The following RP1 variants were observed in gnomAD, a reference collection of about 807,000 sequenced individuals.
RP1 encodes oxygen-regulated protein 1.
Under a neutral mutation model 14.8 loss-of-function variants are expected in RP1, and 16 were observed. The observed-to-expected ratio is 1.08, with a 90% CI of 0.73 to 1.65. The LOEUF (loss-of-function observed/expected upper bound fraction) is 1.65, where lower values mean the gene tolerates loss of function less well. Ranked by LOEUF, RP1 falls within the 40% of genes most tolerant of loss-of-function variation. The pLI is 0.00. For synonymous variants in RP1, 876 were observed against 883.6 expected, an observed-to-expected ratio of 0.99 and a Z score of 0.15; for missense variants, 2,631 against 2,535.0, an observed-to-expected ratio of 1.04 and a Z score of -0.81.
intron 24 of RP1, among the ~76,000 whole-genome samples, chr8:54,806,815 C>T (rs1266702117): frequency 6.6e-6 from 1 of 152,054 alleles, no homozygotes; most frequent in Non-Finnish European, 1.5e-5. Flanking sequence ...CATTTAGTAC[C>T]TCAAGGGGAG....
intron 1 of RP1, among the ~76,000 whole-genome samples, chr8:54,600,238 C>G (rs1043260982): frequency 6.6e-6 from 1 of 152,174 alleles, no homozygotes; most frequent in Non-Finnish European, 1.5e-5. Flanking sequence ...AGCTCTGTCT[C>G]TTGCCTGCCA....
intron 24 of RP1, among the ~76,000 whole-genome samples, chr8:54,792,615 T>C (rs762059396): frequency 3.2e-4 from 49 of 151,822 alleles, no homozygotes; most frequent in Non-Finnish European, 6.2e-4. Context: ...TAAGGAGTCA[T>C]GGAATAAATC....
intron 1 of RP1, among the ~76,000 whole-genome samples, chr8:54,601,927 G>A (rs1805302454): frequency 6.6e-6 from 1 of 152,202 alleles, no homozygotes; most frequent in African/African-American, 2.4e-5. Flanking sequence ...TAGGGCTGGT[G>A]TAGGGGTGGT....
intron 19 of RP1, among the ~76,000 whole-genome samples, chr8:54,753,130 C>A (rs561040912): frequency 6.6e-6 from 1 of 152,270 alleles, no homozygotes; most frequent in Non-Finnish European, 1.5e-5. Flanking sequence ...AATGCCAGAG[C>A]TAGACTTTGG....
intron 26 of RP1, among the ~76,000 whole-genome samples, chr8:54,854,680 C>T (rs1476527212): frequency 2.0e-5 from 3 of 152,068 alleles, no homozygotes; most frequent in Non-Finnish European, 4.4e-5. Flanking sequence ...GCCTGGCCAA[C>T]ATGGTGAAAT....
intron 23 of RP1, among the ~76,000 whole-genome samples, chr8:54,778,318 CTTCT>C (rs1242145767): frequency 4.9e-5 from 5 of 101,802 alleles, no homozygotes; most frequent in East Asian, 3.2e-4. Context: ...AATGCTTCTT[CTTCT>C]TTTTTTTTTT....
At chr8:54,710,280 G>A (rs533806054) in intron 15 of RP1, among the ~76,000 whole-genome samples, 3 of 152,236 alleles carry the variant, frequency 2.0e-5, no homozygotes, top group Admixed American at 2.0e-4. Context: ...AACAAGTGCA[G>A]GCACTGGAGC....
At chr8:54,635,825 A>G, downstream of RP1, among the ~76,000 whole-genome samples, 1 of 152,156 alleles carries the variant, frequency 6.6e-6, no homozygotes, top group East Asian at 1.9e-4. Context: ...AGGGGAACTT[A>G]TTTCTTTAAA....
At chr8:54,567,440 T>C (rs1489131928) in intron 1 of RP1, among the ~76,000 whole-genome samples, 2 of 152,180 alleles carry the variant, frequency 1.3e-5, no homozygotes, top group African/African-American at 2.4e-5. Flanking sequence ...TTTCACTTAT[T>C]ATTATGAGAC....
intron 1 of RP1, among the ~76,000 whole-genome samples, chr8:54,594,685 TA>T (rs1156895275): frequency 1.3e-5 from 2 of 152,200 alleles, no homozygotes; most frequent in Admixed American, 6.5e-5. Context: ...TTTCTTTCAT[TA>T]GGGGTACTTA....
intron 24 of RP1, among the ~76,000 whole-genome samples, chr8:54,817,587 A>T (rs1441675892): frequency 6.6e-6 from 1 of 152,222 alleles, no homozygotes; most frequent in Non-Finnish European, 1.5e-5. Context: ...GAAAATGCTG[A>T]TACCTCTGTG....
At chr8:54,703,493 G>C (rs1326307852) in intron 14 of RP1, among the ~76,000 whole-genome samples, 1 of 152,094 alleles carries the variant, frequency 6.6e-6, no homozygotes, top group South Asian at 2.1e-4. Context: ...TGTCCTTCAG[G>C]CTTCATTTTT....
chr8:54,740,717 G>A lies in RP1; in HGVS notation c.2808+1688G>A, dbSNP rs182764754. ...AGCCTGGGCGACAAAGCGAGACTCT[G>A]TCTTAAAAAAAATAATAATAAAATA... On this transcript the variant is annotated intron_variant, in intron 19 of 22. Transcript: ENST00000636932. Among the ~76,000 whole-genome samples the A allele has an allele frequency of 4.4e-3, 671 of 151,604 alleles. 5 individuals carry two copies. The highest frequency in any genetic ancestry group is 7.3e-3 in the Admixed American group (111 of 15,240).
At chr8:54,774,560 T>C (rs991537128), downstream of RP1, among the ~76,000 whole-genome samples, 1 of 152,202 alleles carries the variant, frequency 6.6e-6, no homozygotes, top group East Asian at 1.9e-4. Flanking sequence ...CAGGAAGTGT[T>C]AAGTGAGCAA....
rs1811628414 is a variant in RP1 at position 54,835,167 on chromosome 8, CA to C, written c.3616-2281del. Among the ~76,000 whole-genome samples the C allele has an allele frequency of 2.6e-5, 4 of 152,138 alleles. No individual in the cohort carries two copies. In the South Asian group the frequency reaches 8.3e-4, roughly 32 times the overall value. On this transcript the variant is annotated intron_variant, in intron 24 of 28. Transcript: ENST00000637698. ...GTAGAAAACCAAAAACAGTTATATG[CA>C]AGAAAAATTTCTAGGCATATTACAT...
intron 19 of RP1, among the ~76,000 whole-genome samples, chr8:54,740,507 A>G (rs1809052319): frequency 6.6e-6 from 1 of 150,934 alleles, no homozygotes; most frequent in African/African-American, 2.4e-5. Flanking sequence ...GTGGATCATG[A>G]GGTCAGGAGT....
At chr8:54,636,525 G>C (rs1170882168) in intron 3 of RP1, among the ~76,000 whole-genome samples, 1 of 152,186 alleles carries the variant, frequency 6.6e-6, no homozygotes, top group Non-Finnish European at 1.5e-5. Flanking sequence ...ATCACCTGAG[G>C]TCAGGAGTTC....
intron 12 of RP1, among the ~76,000 whole-genome samples, chr8:54,683,168 T>C (rs1807476445): frequency 6.6e-6 from 1 of 152,172 alleles, no homozygotes; most frequent in Non-Finnish European, 1.5e-5. Context: ...ATATATCTGT[T>C]TTGGTAACAG....
At chr8:54,845,435 T>A (rs1811895290) in intron 25 of RP1, among the ~76,000 whole-genome samples, 1 of 152,084 alleles carries the variant, frequency 6.6e-6, no homozygotes, top group South Asian at 2.1e-4. Context: ...TGAAAAAACA[T>A]GAGCCCTGCC....
Sources: gnomAD v4.1 joint callset for allele counts (sites outside exome capture counted in the v4.1 genomes callset) on GRCh38, gnomAD v4.1.1 for gene constraint, MANE v1.5 for transcripts, NCBI Gene and HGNC (gene_info 2026-07-23, HGNC 2026-07-21) for gene names.